Variants in RFTN2 observed in about 807,000 individuals in gnomAD.
RFTN2 encodes raftlin family member 2.
RFTN2 carries 34 observed loss-of-function variants against 52.7 expected under a neutral mutation model. The ratio of observed to expected loss-of-function variants is 0.64; its 90% confidence interval spans 0.49 to 0.86. RFTN2 has a LOEUF of 0.86. Among genes scored for constraint, RFTN2 ranks in the 40% least tolerant of loss-of-function variants. The pLI is 0.00. For synonymous variants in RFTN2, 203 were observed against 217.7 expected, an observed-to-expected ratio of 0.93 and a Z score of 0.59; for missense variants, 536 against 600.1, an observed-to-expected ratio of 0.89 and a Z score of 1.12.
chr2:197,630,923 A>G, intron 5 of RFTN2, 88 bp downstream of exon 5: 1 of 845,078 alleles, frequency 1.2e-6, no homozygotes, highest in Non-Finnish European at 2.0e-6. Context: ...CCTTTCAGCC[A>G]TAGAACTTGA....
chr2:197,620,948 A>G (rs572220545), intron 5 of RFTN2, among the ~76,000 whole-genome samples: 3 of 152,372 alleles, frequency 2.0e-5, no homozygotes, highest in African/African-American at 4.8e-5. Flanking sequence ...CCTGGGTGAC[A>G]GAGCAAGACT....
At chr2:197,585,290 T>C (rs2087577816) in intron 8 of RFTN2, among the ~76,000 whole-genome samples, 1 of 152,186 alleles carries the variant, frequency 6.6e-6, no homozygotes, top group Admixed American at 6.5e-5. Flanking sequence ...AAACTTGTCA[T>C]CCCTACTGTC....
chr2:197,635,305 TC>T (rs780507716), intron 3 of RFTN2, among the ~76,000 whole-genome samples: 1,800 of 152,134 alleles, frequency 0.012, 22 homozygotes, highest in Middle Eastern at 0.031. Flanking sequence ...CCCTGAGGAG[TC>T]ACCACACTGA....
At position 197,571,659 on chromosome 2, in the gene RFTN2, G is replaced by C; in HGVS notation, c.*349C>G. 4.2e-6 allele frequency: 1 copy of C among 238,468 alleles called. No homozygotes were observed. Among genetic ancestry groups the C allele is most frequent in the Admixed American group, 5.1e-5 (1 of 19,598 alleles). 14.8% of individuals were successfully genotyped at this position (238,468 alleles called of 1,614,324 possible). On this transcript the variant is annotated 3_prime_UTR_variant, in exon 9 of 9. Coordinates refer to ENST00000295049, the MANE Select transcript of RFTN2 (RefSeq NM_144629.3). ...CTTCCTGAGAACTCTCTCTAATTGG[G>C]TAAAATACTGATTGAGATATTCAGT...
chr2:197,666,454 C>T (rs898991760), intron 1 of RFTN2, among the ~76,000 whole-genome samples: 8 of 152,184 alleles, frequency 5.3e-5, no homozygotes, highest in African/African-American at 1.9e-4. Flanking sequence ...GCACTTTGAA[C>T]ATGTCATTCC....
At chr2:197,607,507 A>AATAATAAT in intron 7 of RFTN2, among the ~76,000 whole-genome samples, 1 of 132,666 alleles carries the variant, frequency 7.5e-6, no homozygotes, top group Non-Finnish European at 1.6e-5. Context: ...ATAATAATAA[A>AATAATAAT]GCTTTCATTT....
At chr2:197,648,184 C>G (rs932914500) in intron 1 of RFTN2, among the ~76,000 whole-genome samples, 2 of 152,176 alleles carry the variant, frequency 1.3e-5, no homozygotes, top group East Asian at 3.9e-4. Flanking sequence ...AGGAAATCCC[C>G]TCCTCCCCTT....
chr2:197,659,416 G>A (rs777957881), intron 1 of RFTN2, among the ~76,000 whole-genome samples: 30 of 147,660 alleles, frequency 2.0e-4, no homozygotes, highest in Admixed American at 3.5e-4. Flanking sequence ...GGCAAAGGTT[G>A]CAGTGAGCCG....
chr2:197,582,374 C>T, intron 8 of RFTN2, among the ~76,000 whole-genome samples: 1 of 152,228 alleles, frequency 6.6e-6, no homozygotes, highest in Non-Finnish European at 1.5e-5. Flanking sequence ...AGCTGACCCC[C>T]ATAACTGTAT....
At chr2:197,662,211 A>T (rs2088986455) in intron 1 of RFTN2, among the ~76,000 whole-genome samples, 1 of 152,010 alleles carries the variant, frequency 6.6e-6, no homozygotes, top group Non-Finnish European at 1.5e-5. Context: ...TCCTAGGCCA[A>T]TGTCCTGAAG....
chr2:197,667,950 G>A (rs1316340125), intron 1 of RFTN2, among the ~76,000 whole-genome samples: 1 of 152,168 alleles, frequency 6.6e-6, no homozygotes, highest in African/African-American at 2.4e-5. Flanking sequence ...AGTGGTAGCA[G>A]TGGGCTGGGT....
Position 197,631,145 on chromosome 2 carries a change from A to G in RFTN2, c.794T>C (p.Ile265Thr). Reference sequence around the variant, plus strand: ...TTTTCTTGTTACTTTCATTGACAGGATGCCTTCCTGATAGGCCCAGGAGGT... The same window carrying G: ...TTTTCTTGTTACTTTCATTGACAGGGTGCCTTCCTGATAGGCCCAGGAGGT... Reference protein sequence around the residue: ...DSTSWAYQEGILSMKVTRKGS... With the variant: ...DSTSWAYQEGTLSMKVTRKGS... Residue 265 changes from isoleucine (I) to threonine (T), a missense_variant, in exon 5 of 9, where the codon ATC (isoleucine) becomes ACC (threonine). Transcript: ENST00000295049. The G allele has an allele frequency of 1.2e-6, 2 of 1,613,632 alleles. No individual in the cohort carries two copies. The highest frequency in any genetic ancestry group is 2.2e-5 in the South Asian group (2 of 91,058).
intron 3 of RFTN2, among the ~76,000 whole-genome samples, chr2:197,638,662 C>G (rs552610744): frequency 1.3e-5 from 2 of 149,140 alleles, no homozygotes; most frequent in East Asian, 2.0e-4. Context: ...TTCCTGAATA[C>G]AGCACACTGA....
rs568539138 is a variant in RFTN2, at chr2:197,590,686, T to C, written c.1233+5305A>G. ...TTGGATGTGTTCGGAGTTTCTTCCT[T>C]CTGGTGGGTTCGTGGTCTCGCTGGT... On this transcript the variant is annotated intron_variant, in intron 8 of 8. Coordinates refer to ENST00000295049, the MANE Select transcript of RFTN2 (RefSeq NM_144629.3). 5.9e-3 allele frequency among the ~76,000 whole-genome samples: 893 copies of C among 152,278 alleles called. 5 individuals are homozygous for C. Among genetic ancestry groups the C allele is most frequent in the Non-Finnish European group, 9.3e-3 (635 of 68,008 alleles).
chr2:197,657,611 C>T (rs1431500874), intron 1 of RFTN2, among the ~76,000 whole-genome samples: 1 of 152,090 alleles, frequency 6.6e-6, no homozygotes, highest in Admixed American at 6.5e-5. Flanking sequence ...TGGTTTTAAA[C>T]ATTATGTTAT....
intron 5 of RFTN2, 47 bp downstream of exon 5, chr2:197,630,964 C>G: frequency 7.9e-7 from 1 of 1,273,334 alleles, no homozygotes; most frequent in African/African-American, 1.5e-5. Flanking sequence ...GATTTTGATA[C>G]AAGTTCAAAT....
chr2:197,669,439 G>C (rs1006189734), intron 1 of RFTN2, among the ~76,000 whole-genome samples: 1 of 150,898 alleles, frequency 6.6e-6, no homozygotes, highest in African/African-American at 2.4e-5. Flanking sequence ...AAAAGAAAAA[G>C]ACACAAAACA....
intron 1 of RFTN2, among the ~76,000 whole-genome samples, chr2:197,670,092 T>C (rs1225728767): frequency 6.6e-6 from 1 of 152,228 alleles, no homozygotes; most frequent in Non-Finnish European, 1.5e-5. Context: ...CTGTTTCCAC[T>C]GCAGTGTGCT....
At chr2:197,665,083 C>T (rs953458612) in intron 1 of RFTN2, among the ~76,000 whole-genome samples, 1 of 152,138 alleles carries the variant, frequency 6.6e-6, no homozygotes, top group African/African-American at 2.4e-5. Flanking sequence ...AGTTGAACCC[C>T]AAACCTCAGC....
Sources: allele counts gnomAD v4.1 joint callset (sites outside exome capture counted in the v4.1 genomes callset), GRCh38; gene constraint gnomAD v4.1.1; transcripts MANE v1.5; gene names NCBI Gene and HGNC (gene_info 2026-07-23, HGNC 2026-07-21).